Variants in TNKS2 observed in about 807,000 individuals in gnomAD.
TNKS2 encodes poly [ADP-ribose] polymerase tankyrase-2.
Under a neutral mutation model 137.6 loss-of-function variants are expected in TNKS2, and 72 were observed. The ratio of observed to expected loss-of-function variants is 0.52; its 90% CI spans 0.43 to 0.64. The LOEUF (loss-of-function observed/expected upper bound fraction) is 0.64. Among genes scored for constraint, TNKS2 ranks in the 30% least tolerant of loss-of-function variants. The pLI, the probability that TNKS2 is intolerant of heterozygous loss-of-function variation, is 0.00. For missense variants in TNKS2, 1,049 were observed against 1,410.2 expected, an observed-to-expected ratio of 0.74 and a Z score of 4.10; for synonymous variants, 516 against 512.1, an observed-to-expected ratio of 1.01 and a Z score of -0.10.
chr10:91,856,817 T>C (rs1441439075), intron 23 of TNKS2, among the ~76,000 whole-genome samples: 1 of 152,198 alleles, frequency 6.6e-6, no homozygotes, highest in African/African-American at 2.4e-5. Flanking sequence ...AGGTGTGCTC[T>C]AGGAACCAGC....
chr10:91,806,482 C>G (rs1215450786), intron 1 of TNKS2, among the ~76,000 whole-genome samples: 1 of 152,092 alleles, frequency 6.6e-6, no homozygotes, highest in Admixed American at 6.5e-5. Context: ...GCACAGTGAT[C>G]ATCATTCCAT....
At chr10:91,806,185 T>C (rs912521347) in intron 1 of TNKS2, among the ~76,000 whole-genome samples, 1 of 152,162 alleles carries the variant, frequency 6.6e-6, no homozygotes, top group African/African-American at 2.4e-5. Context: ...CATATTTCAA[T>C]GTAGTGCCTT....
chr10:91,829,805 G>C lies in TNKS2; in HGVS notation c.1105-1118G>C, dbSNP rs11186704. Among the ~76,000 whole-genome samples, 163 of 152,318 alleles carry C rather than the reference G, an allele frequency of 1.1e-3. 2 individuals are homozygous for C. In the East Asian group the frequency reaches 0.03, roughly 28 times the overall value. Reference sequence around the variant, plus strand: ...AACAACAGGTTAAAATCAAAGAACAGATTTCATGTGTACTGTGTTTTTAGA... The same window carrying C: ...AACAACAGGTTAAAATCAAAGAACACATTTCATGTGTACTGTGTTTTTAGA... On this transcript the variant is annotated intron_variant, in intron 9 of 26. Coordinates refer to ENST00000371627, the MANE Select transcript of TNKS2 (RefSeq NM_025235.4).
At chr10:91,848,295 T>G (rs1842441786) in intron 18 of TNKS2, 88 bp from the exon 19 acceptor site, 22 of 1,400,364 alleles carry the variant, frequency 1.6e-5, no homozygotes, top group Non-Finnish European at 2.1e-5. Context: ...ATTGCTGGGT[T>G]TTCTCATATT....
intron 16 of TNKS2, among the ~76,000 whole-genome samples, chr10:91,843,679 C>CTAA (rs916772296): frequency 1.3e-5 from 2 of 152,188 alleles, no homozygotes; most frequent in Non-Finnish European, 2.9e-5. Context: ...TGAGCTATAG[C>CTAA]TAATACCTCA....
At chr10:91,830,748 G>T (rs1845219719) in intron 9 of TNKS2, among the ~76,000 whole-genome samples, 175 bp from the exon 10 acceptor site, 1 of 152,196 alleles carries the variant, frequency 6.6e-6, no homozygotes, top group Non-Finnish European at 1.5e-5. Flanking sequence ...GGATTTTCAG[G>T]TTCTGTCAGA....
intron 1 of TNKS2, among the ~76,000 whole-genome samples, chr10:91,803,609 G>C (rs1020837807): frequency 2.6e-5 from 4 of 152,198 alleles, no homozygotes; most frequent in Non-Finnish European, 5.9e-5. Context: ...ACTCTAGGCT[G>C]GGCAACAGAG....
intron 7 of TNKS2, among the ~76,000 whole-genome samples, chr10:91,823,613 C>G (rs1196066634): frequency 1.3e-5 from 2 of 152,068 alleles, no homozygotes; most frequent in Non-Finnish European, 2.9e-5. Context: ...CAGACGTGAG[C>G]CACCACACCC....
intron 12 of TNKS2, 50 bp downstream of exon 12, chr10:91,834,074 T>C: frequency 6.9e-7 from 1 of 1,442,494 alleles, no homozygotes. Flanking sequence ...CCTTTAAAAA[T>C]TTTTCACATA....
intron 19 of TNKS2, among the ~76,000 whole-genome samples, chr10:91,848,998 G>A (rs11186709): frequency 5.9e-5 from 9 of 152,160 alleles, no homozygotes; most frequent in African/African-American, 2.2e-4. Context: ...CACCATGCCC[G>A]GCTAATTTTT....
At chr10:91,836,834 CT>C in intron 12 of TNKS2, 84 bp from the exon 13 acceptor site, 2 of 1,502,562 alleles carry the variant, frequency 1.3e-6, no homozygotes, top group Admixed American at 4.6e-5. Flanking sequence ...AAGAACTTTG[CT>C]TTCTGATGAG....
chr10:91,806,284 T>C (rs1169627248), intron 1 of TNKS2, among the ~76,000 whole-genome samples: 1 of 152,180 alleles, frequency 6.6e-6, no homozygotes, highest in East Asian at 1.9e-4. Context: ...TCTAGTTTAC[T>C]GGAAAACATA....
intron 12 of TNKS2, among the ~76,000 whole-genome samples, chr10:91,834,911 C>T (rs903086737): frequency 6.6e-6 from 1 of 152,174 alleles, no homozygotes. Flanking sequence ...TTTTACTTGC[C>T]TTTCCAACTA....
chr10:91,829,544 T>G (rs1454266688), intron 9 of TNKS2, among the ~76,000 whole-genome samples: 1 of 151,868 alleles, frequency 6.6e-6, no homozygotes, highest in Admixed American at 6.6e-5. Context: ...TGCAGAGGAG[T>G]AGGGTGTAAT....
At chr10:91,816,791 T>G in intron 2 of TNKS2, among the ~76,000 whole-genome samples, 1 of 152,018 alleles carries the variant, frequency 6.6e-6, no homozygotes, top group African/African-American at 2.4e-5. Context: ...GCATAAGCAG[T>G]GTTCTTTTGG....
At chr10:91,822,546 G>A (rs556171754) in intron 7 of TNKS2, among the ~76,000 whole-genome samples, 184 bp downstream of exon 7, 11 of 148,304 alleles carry the variant, frequency 7.4e-5, no homozygotes, top group Non-Finnish European at 1.0e-4. Flanking sequence ...TGAGATTTTT[G>A]AGATACCATA....
Position 91,862,127 on chromosome 10 carries a change from C to T in TNKS2, c.3410C>T (p.Ala1137Val). ...GRPSVNGLAL[A>V]EYVIYRGEQA... ...CCCAGTGTAAATGGCCTAGCATTAG[C>T]TGAATATGTTATTTACAGAGGAGAA... The change falls in exon 26 of 27, where the codon GCT becomes GTT. Residue 1137 changes from alanine to valine, a missense_variant. By Grantham distance (64) the Ala-to-Val change is moderately conservative. Around this residue, in one of 6 missense-constraint regions of TNKS2, gnomAD observed 133 missense variants for 248.4 expected, o/e 0.54. Transcript: ENST00000371627. 6.2e-7 allele frequency: 1 copy of T among 1,609,342 alleles called. No homozygotes were observed. The highest frequency in any genetic ancestry group is 1.1e-5 in the South Asian group (1 of 90,270).
At chr10:91,849,700 T>G (rs1842486816) in intron 20 of TNKS2, 106 bp downstream of exon 20, 1 of 823,230 alleles carries the variant, frequency 1.2e-6, no homozygotes, top group Non-Finnish European at 1.8e-6. Context: ...TGGGGGAGAA[T>G]GTTTTTTAAG....
Position 91,845,846 on chromosome 10 carries a change from A to G in TNKS2, c.2264A>G (p.Lys755Arg). ...ACACCTTTGCACGAAGCAGCCCAAA[A>G]GGGACGAACACAGCTTTGTGCTTTG... ...AFTPLHEAAQ[K>R]GRTQLCALLL... Residue 755 changes from lysine (K) to arginine (R), a missense_variant, in exon 18 of 27, where the codon AAG (lysine) becomes AGG (arginine). Physicochemically the swap from Lys to Arg is conservative, Grantham distance 26. Around this residue, in one of 6 missense-constraint regions of TNKS2, gnomAD observed 4 missense variants for 17.6 expected, o/e 0.23. Coordinates refer to ENST00000371627, the MANE Select transcript of TNKS2 (RefSeq NM_025235.4). 1 of 1,610,140 alleles carries G rather than the reference A, an allele frequency of 6.2e-7. No homozygotes were observed. Among genetic ancestry groups the G allele is most frequent in the Middle Eastern group, 1.7e-4 (1 of 6,046 alleles).
Sources: gnomAD v4.1 joint callset for allele counts (sites outside exome capture counted in the v4.1 genomes callset) on GRCh38, gnomAD v4.1.1 for gene constraint, gnomAD v4.1.1 regional missense constraint, MANE v1.5 for transcripts, NCBI Gene and HGNC (gene_info 2026-07-23, HGNC 2026-07-21) for gene names.